Variants in MAP2 observed in about 807,000 individuals in gnomAD.
The protein encoded by MAP2 is microtubule-associated protein 2.
In MAP2, 14 loss-of-function variants were observed where a neutral mutation model predicts 137.6. The observed-to-expected ratio is 0.10, with a 90% CI of 0.07 to 0.16. The LOEUF (loss-of-function observed/expected upper bound fraction) is 0.16, where lower values mean the gene tolerates loss of function less well. Among genes scored for constraint, MAP2 ranks in the 10% least tolerant of loss-of-function variants. The probability of loss-of-function intolerance (pLI) is 1.00; values close to 1 mark genes in which losing one functional copy is unlikely to be tolerated. For synonymous variants in MAP2, 786 were observed against 782.3 expected (o/e 1.00, Z -0.08); for missense variants, 2,088 against 2,191.5 (o/e 0.95, Z 0.94).
At chr2:209,679,611 TTAAC>T (rs1399294586) in intron 6 of MAP2, among the ~76,000 whole-genome samples, 2 of 152,104 alleles carry the variant, frequency 1.3e-5, no homozygotes. Context: ...CAGTATTCCT[TTAAC>T]TGTCTATTAA....
intron 2 of MAP2, 97 bp downstream of exon 2, chr2:209,507,738 G>A (rs1301767958): frequency 6.6e-6 from 1 of 152,150 alleles, no homozygotes; most frequent in Non-Finnish European, 1.5e-5. Flanking sequence ...TGCTTGCAAT[G>A]TGTAGTAGAA....
At chr2:209,426,699 C>A (rs997793280) in intron 1 of MAP2, among the ~76,000 whole-genome samples, 1 of 152,180 alleles carries the variant, frequency 6.6e-6, no homozygotes, top group African/African-American at 2.4e-5. Flanking sequence ...CCCATAGCAG[C>A]CTTTACTAAT....
At chr2:209,494,866 C>T (rs1021193769) in intron 1 of MAP2, among the ~76,000 whole-genome samples, 2 of 152,132 alleles carry the variant, frequency 1.3e-5, no homozygotes, top group African/African-American at 4.8e-5. Context: ...AGCATGTTTT[C>T]CCCTATTGTT....
chr2:209,505,868 A>G (rs2060982065), intron 1 of MAP2, among the ~76,000 whole-genome samples: 2 of 152,072 alleles, frequency 1.3e-5, no homozygotes, highest in South Asian at 4.2e-4. Context: ...GCTACTACGG[A>G]GGCTGAGGTG....
chr2:209,632,742 T>G (rs1168903301), intron 4 of MAP2, among the ~76,000 whole-genome samples: 1 of 152,140 alleles, frequency 6.6e-6, no homozygotes, highest in African/African-American at 2.4e-5. Context: ...CAAGAATCTA[T>G]TGTTTAATCC....
At chr2:209,627,354 CTTTTATT>C (rs906363657) in intron 4 of MAP2, among the ~76,000 whole-genome samples, 3 of 152,090 alleles carry the variant, frequency 2.0e-5, no homozygotes, top group African/African-American at 4.8e-5. Context: ...TCTCTCCCAA[CTTTTATT>C]TTCTGAGAGA....
chr2:209,614,067 C>T (rs1486938136), intron 3 of MAP2, among the ~76,000 whole-genome samples: 2 of 152,006 alleles, frequency 1.3e-5, no homozygotes, highest in African/African-American at 2.4e-5. Flanking sequence ...TTTTCAATAC[C>T]GTGCAATGCC....
chr2:209,589,787 G>A (rs1449775773), intron 3 of MAP2, among the ~76,000 whole-genome samples: 1 of 152,102 alleles, frequency 6.6e-6, no homozygotes, highest in African/African-American at 2.4e-5. Context: ...GGTAAATAAC[G>A]CAGTAAGAAT....
At chr2:209,537,269 C>T (rs1577438960) in intron 2 of MAP2, among the ~76,000 whole-genome samples, 1 of 151,996 alleles carries the variant, frequency 6.6e-6, no homozygotes, top group Non-Finnish European at 1.5e-5. Flanking sequence ...TTTGATGTTA[C>T]TATAGTAATT....
chr2:209,438,358 G>C (rs1046646535), intron 1 of MAP2, among the ~76,000 whole-genome samples: 4 of 151,498 alleles, frequency 2.6e-5, no homozygotes, highest in Admixed American at 1.3e-4. Flanking sequence ...GTATTATGCA[G>C]GGTTATTTTT....
At chr2:209,439,469 T>C (rs1697213789) in intron 1 of MAP2, among the ~76,000 whole-genome samples, 1 of 151,560 alleles carries the variant, frequency 6.6e-6, no homozygotes. Flanking sequence ...TTCTTGGCCC[T>C]TGTTTCAGTA....
intron 5 of MAP2, among the ~76,000 whole-genome samples, chr2:209,671,200 A>T (rs1167011704): frequency 1.3e-5 from 2 of 151,922 alleles, no homozygotes; most frequent in Non-Finnish European, 2.9e-5. Flanking sequence ...CCTGAGATTA[A>T]CAGAGGTCTG....
intron 1 of MAP2, among the ~76,000 whole-genome samples, chr2:209,503,589 A>G (rs974331773): frequency 1.3e-5 from 2 of 152,072 alleles, no homozygotes; most frequent in African/African-American, 4.8e-5. Flanking sequence ...TTTGTGCATG[A>G]TGTAAGATAA....
chr2:209,488,855 G>A (rs2058719703), intron 1 of MAP2, among the ~76,000 whole-genome samples: 1 of 152,190 alleles, frequency 6.6e-6, no homozygotes, highest in African/African-American at 2.4e-5. Flanking sequence ...GGGGATGTGG[G>A]TACAGCTTCA....
At chr2:209,460,938 A>G (rs1174888348) in intron 1 of MAP2, among the ~76,000 whole-genome samples, 1 of 152,010 alleles carries the variant, frequency 6.6e-6, no homozygotes, top group Non-Finnish European at 1.5e-5. Context: ...TTGTAGAGAC[A>G]GGTTTTCACC....
At chr2:209,709,782 C>T (rs1315410811) in intron 12 of MAP2, 132 bp from the exon 13 acceptor site, 1 of 681,236 alleles carries the variant, frequency 1.5e-6, no homozygotes, top group Admixed American at 2.9e-5. Context: ...TTCTTGAGTA[C>T]TATAGTGATA....
At chr2:209,542,556 G>GT (rs1199619878) in intron 2 of MAP2, among the ~76,000 whole-genome samples, 1 of 152,210 alleles carries the variant, frequency 6.6e-6, no homozygotes, top group African/African-American at 2.4e-5. Context: ...TAAAAAGGTT[G>GT]TTTTATCTAC....
intron 3 of MAP2, among the ~76,000 whole-genome samples, chr2:209,622,438 C>G (rs2091420970): frequency 6.6e-6 from 1 of 152,150 alleles, no homozygotes; most frequent in Non-Finnish European, 1.5e-5. Flanking sequence ...CACTTAAACT[C>G]TCTTGGCCTG....
chr2:209,678,823 A>G (rs1175052805), intron 6 of MAP2, 138 bp downstream of exon 6: 6 of 465,462 alleles, frequency 1.3e-5, no homozygotes, highest in Admixed American at 8.5e-5. Flanking sequence ...TTGACTGGGT[A>G]TGCACTAGGA....
Sources: gnomAD v4.1 joint callset for allele counts (sites outside exome capture counted in the v4.1 genomes callset) on GRCh38, gnomAD v4.1.1 for gene constraint, MANE v1.5 for transcripts, NCBI Gene and HGNC (gene_info 2026-07-23, HGNC 2026-07-21) for gene names.